SNX31: variants seen among roughly 807,000 people sequenced by gnomAD.
SNX31 encodes sorting nexin 31.
In SNX31, 58 loss-of-function variants were observed where a neutral mutation model predicts 65.4. The observed-to-expected ratio is 0.89, with a 90% CI of 0.72 to 1.10. The LOEUF is 1.10. Among genes scored for constraint, SNX31 ranks in the 50% least tolerant of loss-of-function variants. The pLI, the probability that SNX31 is intolerant of heterozygous loss-of-function variation, is 0.00. For synonymous variants in SNX31, 181 were observed against 190.1 expected (o/e 0.95, Z 0.39); for missense variants, 523 against 529.7 (o/e 0.99, Z 0.12).
chr8:100,649,561 G>T lies in SNX31; in HGVS notation c.-47C>A, dbSNP rs1256013789. 6.5e-7 allele frequency: 1 copy of T among 1,529,436 alleles called. No individual in the cohort carries two copies. Among genetic ancestry groups the T allele is most frequent in the South Asian group, 1.2e-5 (1 of 83,288 alleles). The allele number at this position is 1,529,436 out of a possible 1,614,324, so 94.7% of individuals were successfully genotyped here. A position where few individuals can be genotyped will look rare whatever the true frequency, so the allele number is the denominator to read the frequency against. On this transcript the variant is annotated 5_prime_UTR_variant, in exon 1 of 14. Transcript: ENST00000311812. ...TAGCGCTGGGAACCCGACCTGCGGC[G>T]GCGGGCGGTGCGCGGCTCTGAACTC...
chr8:100,582,045 A>T (rs1275447403), intron 12 of SNX31, among the ~76,000 whole-genome samples: 1 of 152,238 alleles, frequency 6.6e-6, no homozygotes, highest in East Asian at 1.9e-4. Flanking sequence ...AAAAAAATAA[A>T]GAGTTTCTGG....
rs1329642501 is a variant in SNX31, at chr8:100,657,895, T to TAAA, written c.-58+5246_-58+5247insTTT. The TAAA allele has an allele frequency of 8.4e-6, 3 of 359,172 alleles. No individual in the cohort carries two copies. The Admixed American group carries it at 1.1e-4, about 13-fold the overall frequency. The allele number at this position is 359,172 out of a possible 1,614,324, so 22.2% of individuals were successfully genotyped here. ...CAAAAGAAAACAAAAAAACAAAAAA[T>TAAA]AACAACAACAACAACAACAACAACA... is the stretch of plus-strand genomic sequence containing the variant. On this transcript the variant is annotated intron_variant, in intron 1 of 5. Coordinates refer to the SNX31 transcript ENST00000520352.
chr8:100,659,081 C>T (rs866831479), intron 1 of SNX31, among the ~76,000 whole-genome samples: 2 of 152,110 alleles, frequency 1.3e-5, no homozygotes, highest in South Asian at 2.1e-4. Context: ...CACAGGGGCT[C>T]ATGCCTGTAA....
chr8:100,624,109 A>G (rs558985294), intron 4 of SNX31, among the ~76,000 whole-genome samples: 1 of 152,280 alleles, frequency 6.6e-6, no homozygotes, highest in Non-Finnish European at 1.5e-5. Flanking sequence ...GACACAAGAA[A>G]GCTGAAATCC....
At chr8:100,644,642 C>T (rs78488287) in intron 2 of SNX31, among the ~76,000 whole-genome samples, 20,327 of 152,206 alleles carry the variant, frequency 0.13, 1,872 homozygotes, top group African/African-American at 0.27. Context: ...ACATCCACCT[C>T]TTCCCAAGGT....
chr8:100,618,749 A>C (rs999178755), intron 4 of SNX31: 3 of 202,362 alleles, frequency 1.5e-5, no homozygotes, highest in Non-Finnish European at 3.0e-5. Context: ...CAAACGGAGG[A>C]GATGCACAGA....
At chr8:100,649,071 C>A (rs1196703971) in intron 2 of SNX31, among the ~76,000 whole-genome samples, 7 of 152,222 alleles carry the variant, frequency 4.6e-5, no homozygotes, top group Non-Finnish European at 1.0e-4. Flanking sequence ...CAGCTGTAGG[C>A]GACCAGGAGC....
intron 1 of SNX31, among the ~76,000 whole-genome samples, chr8:100,658,504 G>T (rs149486127): frequency 1.3e-5 from 2 of 152,264 alleles, no homozygotes; most frequent in Non-Finnish European, 2.9e-5. Flanking sequence ...ACATGTAGTG[G>T]GTACTTCCCA....
At chr8:100,653,552 C>T (rs1026402133), upstream of SNX31, among the ~76,000 whole-genome samples, 2 of 152,194 alleles carry the variant, frequency 1.3e-5, no homozygotes, top group African/African-American at 2.4e-5. Flanking sequence ...AGCCAAGAAG[C>T]GCCTCAGGCC....
rs763976361 is a variant in SNX31 at position 100,608,534 on chromosome 8, AGC to A, written c.639_640del (p.Leu214AspfsTer19). ...ATCTACCGCCACCCTGCAGTCCATC[AGC>A]ACGGAGTCGAGGGATGGAGCCATAT... On this transcript the variant is annotated frameshift_variant, in exon 8 of 14. Coordinates refer to ENST00000311812, the MANE Select transcript of SNX31 (RefSeq NM_152628.4). LOFTEE classifies it high-confidence loss of function. 1.9e-6 allele frequency: 3 copies of A among 1,613,972 alleles called. No homozygotes were observed. The African/African-American group carries it at 4.0e-5, about 22-fold the overall frequency.
chr8:100,603,686 T>C (rs778163311), intron 8 of SNX31, among the ~76,000 whole-genome samples: 2 of 151,932 alleles, frequency 1.3e-5, no homozygotes, highest in South Asian at 2.1e-4. Context: ...CCTCGGATGA[T>C]TGGCCTGCCT....
Position 100,576,890 on chromosome 8 carries a change from A to G in SNX31, c.1227+129T>C. 1 of 787,282 alleles carries G rather than the reference A, an allele frequency of 1.3e-6. No homozygotes were observed. Among genetic ancestry groups the G allele is most frequent in the Non-Finnish European group, 2.1e-6 (1 of 483,896 alleles). 48.8% of individuals were successfully genotyped at this position (787,282 alleles called of 1,614,324 possible). A position where few individuals can be genotyped will look rare whatever the true frequency, so the allele number is the denominator to read the frequency against. ...GATGGCCTTCCAATTGGCCCAATCT[A>G]CAAAGAGGAGCTTCTGAGAAACATA... On this transcript the variant is annotated intron_variant, in intron 13 of 13. Transcript: ENST00000311812. The surrounding 1 kb of genome is among the most constrained non-coding windows in gnomAD (Gnocchi z 4.8).
intron 4 of SNX31, among the ~76,000 whole-genome samples, chr8:100,623,522 A>G (rs112401586): frequency 0.016 from 2,462 of 152,174 alleles, 66 homozygotes; most frequent in African/African-American, 0.056. Flanking sequence ...CCTTCCCACC[A>G]GCTAACCTCA....
At chr8:100,654,377 C>T (rs1820024328), upstream of SNX31, among the ~76,000 whole-genome samples, 1 of 152,116 alleles carries the variant, frequency 6.6e-6, no homozygotes, top group Admixed American at 6.5e-5. Context: ...AATAACTCAC[C>T]CGAAGTCACA....
chr8:100,627,970 C>A (rs1208541734), intron 4 of SNX31, among the ~76,000 whole-genome samples: 1 of 152,080 alleles, frequency 6.6e-6, no homozygotes, highest in Non-Finnish European at 1.5e-5. Context: ...ATTTATGCAG[C>A]CAAAAAACAC....
At chr8:100,649,227 C>T in intron 2 of SNX31, 47 bp downstream of exon 2, 1 of 1,587,864 alleles carries the variant, frequency 6.3e-7, no homozygotes, top group Non-Finnish European at 8.6e-7. Context: ...ACAGCTTTCT[C>T]CACCTGTCTC....
intron 8 of SNX31, among the ~76,000 whole-genome samples, chr8:100,606,936 G>A (rs184865116): frequency 5.5e-4 from 84 of 152,280 alleles, no homozygotes; most frequent in African/African-American, 1.9e-3. Flanking sequence ...TGCTGACATC[G>A]TGCCCGGAAC....
rs1321606134 is a variant in SNX31 at position 100,622,489 on chromosome 8, T to C, written c.322-4759A>G. ...CAACATGGTGAAACACTGTCTCTAC[T>C]AAAATACAGAAATTAGCTGGGCGTG... On this transcript the variant is annotated intron_variant, in intron 4 of 13. Transcript: ENST00000311812. The surrounding 1 kb of genome is among the most constrained non-coding windows in gnomAD (Gnocchi z 5.0). 1.3e-5 allele frequency among the ~76,000 whole-genome samples: 2 copies of C among 151,804 alleles called. No homozygotes were observed. The highest frequency in any genetic ancestry group is 2.9e-5 in the Non-Finnish European group (2 of 67,940).
chr8:100,593,823 A>G (rs1446901567), intron 10 of SNX31, among the ~76,000 whole-genome samples: 1 of 152,198 alleles, frequency 6.6e-6, no homozygotes, highest in African/African-American at 2.4e-5. Flanking sequence ...ACTTACATGT[A>G]AAACCCCTAA....
Sources: gnomAD v4.1 joint callset for allele counts (sites outside exome capture counted in the v4.1 genomes callset) on GRCh38, gnomAD v4.1.1 for gene constraint, Gnocchi (gnomAD v3.1) non-coding constraint, MANE v1.5 for transcripts, NCBI Gene and HGNC (gene_info 2026-07-23, HGNC 2026-07-21) for gene names.